DLGAP4: variants seen among roughly 807,000 people sequenced by gnomAD.
The protein encoded by DLGAP4 is disks large-associated protein 4.
Under a neutral mutation model 86.9 loss-of-function variants are expected in DLGAP4, and 18 were observed. The ratio of observed to expected loss-of-function variants is 0.21; its 90% CI spans 0.14 to 0.31. The LOEUF is 0.31. Among genes scored for constraint, DLGAP4 ranks in the 10% least tolerant of loss-of-function variants. DLGAP4 has a pLI of 1.00. For missense variants in DLGAP4, 1,085 were observed against 1,362.6 expected (o/e 0.80, Z 3.21); for synonymous variants, 548 against 574.3 (o/e 0.95, Z 0.65).
chr20:36,515,957 GT>G (rs1829953711), intron 10 of DLGAP4, among the ~76,000 whole-genome samples: 2 of 152,180 alleles, frequency 1.3e-5, no homozygotes, highest in African/African-American at 4.8e-5. Context: ...TTTCCTTGCA[GT>G]TTGATGCCAT....
intron 2 of DLGAP4, among the ~76,000 whole-genome samples, chr20:36,418,181 T>C (rs958463714): frequency 2.6e-5 from 4 of 151,878 alleles, no homozygotes; most frequent in Admixed American, 2.6e-4. Flanking sequence ...TGGCGCGATC[T>C]TGGCTCACTG....
intron 7 of DLGAP4, chr20:36,472,974 C>A (rs2034738208): frequency 6.6e-6 from 1 of 152,296 alleles, no homozygotes; most frequent in African/African-American, 2.4e-5. Flanking sequence ...CCACTGCTGT[C>A]TGGGAGACAG....
At chr20:36,487,633 G>T (rs1337846673) in intron 7 of DLGAP4, among the ~76,000 whole-genome samples, 1 of 152,098 alleles carries the variant, frequency 6.6e-6, no homozygotes, top group East Asian at 1.9e-4. Flanking sequence ...GCTCACAGAG[G>T]GTCCCTTCAC....
chr20:36,386,649 A>G (rs942483276), intron 2 of DLGAP4, among the ~76,000 whole-genome samples: 1 of 152,110 alleles, frequency 6.6e-6, no homozygotes, highest in Non-Finnish European at 1.5e-5. Flanking sequence ...CAGTGGTGCA[A>G]TCATAGCTCA....
Position 36,350,316 on chromosome 20 carries a change from C to T in DLGAP4, c.-303-16729C>T, listed in dbSNP as rs782138790. 5.9e-5 allele frequency among the ~76,000 whole-genome samples: 9 copies of T among 152,126 alleles called. No homozygotes were observed. The highest frequency in any genetic ancestry group is 1.2e-4 in the Non-Finnish European group (8 of 68,000). The stretch of plus-strand genomic sequence containing the variant: ...TGAGTAGCCCAGCAGCTGTGGGAGG[C>T]GGGAGCAAGTGCCTGGGTGAGAGCA... On this transcript the variant is annotated intron_variant, in intron 1 of 12. Coordinates refer to ENST00000339266, the MANE Select transcript of DLGAP4 (RefSeq NM_001365621.2). The surrounding 1 kb of genome is among the most constrained non-coding windows in gnomAD (Gnocchi z 4.4).
At chr20:36,458,938 T>TCA (rs912926991) in intron 7 of DLGAP4, among the ~76,000 whole-genome samples, 2 of 151,712 alleles carry the variant, frequency 1.3e-5, no homozygotes, top group Non-Finnish European at 2.9e-5. Flanking sequence ...AGCTAAGGGG[T>TCA]GATGAGAAGG....
intron 10 of DLGAP4, among the ~76,000 whole-genome samples, chr20:36,515,422 A>G (rs2036980315): frequency 6.6e-6 from 1 of 151,952 alleles, no homozygotes; most frequent in South Asian, 2.1e-4. Context: ...GTCCTTATTA[A>G]TCATGTCTCT....
intron 2 of DLGAP4, among the ~76,000 whole-genome samples, chr20:36,391,465 C>T (rs914124908): frequency 2.0e-5 from 3 of 152,184 alleles, no homozygotes; most frequent in Non-Finnish European, 4.4e-5. Flanking sequence ...CAAACGCACC[C>T]ACCACAGAGG....
intron 10 of DLGAP4, among the ~76,000 whole-genome samples, chr20:36,501,231 G>A (rs976287608): frequency 7.9e-5 from 12 of 151,920 alleles, no homozygotes; most frequent in Non-Finnish European, 1.6e-4. Flanking sequence ...ACACCTGGCT[G>A]ATTTTTGTAT....
intron 2 of DLGAP4, among the ~76,000 whole-genome samples, chr20:36,397,919 C>T (rs574169520): frequency 1.4e-4 from 21 of 152,174 alleles, no homozygotes; most frequent in African/African-American, 4.6e-4. Context: ...GTCAGGAGTT[C>T]GAGACTAGCC....
At chr20:36,408,051 T>C (rs2032376861) in intron 2 of DLGAP4, among the ~76,000 whole-genome samples, 1 of 151,634 alleles carries the variant, frequency 6.6e-6, no homozygotes, top group Non-Finnish European at 1.5e-5. Context: ...AAAGGGCCCT[T>C]TGTCGGGGGC....
chr20:36,433,041 C>T (rs2033171227), intron 3 of DLGAP4, among the ~76,000 whole-genome samples: 1 of 152,190 alleles, frequency 6.6e-6, no homozygotes, highest in Non-Finnish European at 1.5e-5. Context: ...AATTGCCAGC[C>T]TCTCCCTGCC....
chr20:36,504,098 A>G (rs968288005), intron 10 of DLGAP4, among the ~76,000 whole-genome samples: 2 of 152,216 alleles, frequency 1.3e-5, no homozygotes, highest in African/African-American at 2.4e-5. Context: ...TAAAATATAT[A>G]TAACATAAAG....
intron 2 of DLGAP4, among the ~76,000 whole-genome samples, chr20:36,419,617 A>T (rs2032765214): frequency 6.6e-6 from 1 of 152,188 alleles, no homozygotes; most frequent in Non-Finnish European, 1.5e-5. Context: ...TGCCATCCGA[A>T]GTCCTAACTG....
At chr20:36,348,193 G>A (rs1389738709) in intron 1 of DLGAP4, among the ~76,000 whole-genome samples, 5 of 152,242 alleles carry the variant, frequency 3.3e-5, no homozygotes, top group Admixed American at 1.3e-4. Context: ...CAAAGGCCCA[G>A]CTAAAATCAG....
intron 7 of DLGAP4, chr20:36,462,677 T>C: frequency 5.2e-6 from 8 of 1,524,940 alleles, no homozygotes; most frequent in Non-Finnish European, 6.1e-6. Flanking sequence ...GGGTTGGCGC[T>C]GGGGCAAGGG....
chr20:36,458,659 A>C (rs2033945286), intron 7 of DLGAP4, among the ~76,000 whole-genome samples: 1 of 152,160 alleles, frequency 6.6e-6, no homozygotes, highest in South Asian at 2.1e-4. Context: ...AGATTGCGCC[A>C]CTGCACTCCA....
intron 7 of DLGAP4, among the ~76,000 whole-genome samples, chr20:36,470,187 T>C (rs2034598987): frequency 6.6e-6 from 1 of 152,136 alleles, no homozygotes; most frequent in African/African-American, 2.4e-5. Context: ...CCGTCCTTCC[T>C]GTAGGAACCC....
At chr20:36,518,900 G>A (rs868039597) in intron 10 of DLGAP4, among the ~76,000 whole-genome samples, 1 of 152,010 alleles carries the variant, frequency 6.6e-6, no homozygotes, top group Non-Finnish European at 1.5e-5. Flanking sequence ...GGCGGATCAC[G>A]AGGTCAGGAG....
Sources: allele counts gnomAD v4.1 joint callset (sites outside exome capture counted in the v4.1 genomes callset), GRCh38; gene constraint gnomAD v4.1.1; non-coding constraint Gnocchi (gnomAD v3.1); transcripts MANE v1.5; gene names NCBI Gene and HGNC (gene_info 2026-07-23, HGNC 2026-07-21).